The following ANKRD30A variants were observed in gnomAD, a reference collection of about 807,000 sequenced individuals.
The protein encoded by ANKRD30A is ankyrin repeat domain 30A.
ANKRD30A carries 170 observed loss-of-function variants against 166.3 expected under a neutral mutation model. The observed-to-expected ratio is 1.02, with a 90% CI of 0.90 to 1.16. The LOEUF (loss-of-function observed/expected upper bound fraction) is 1.16. Ranked by LOEUF, ANKRD30A falls within the 50% of genes most tolerant of loss-of-function variation. ANKRD30A has a pLI of 0.00. For missense variants in ANKRD30A, 1,630 were observed against 1,518.0 expected (o/e 1.07, Z -1.23); for synonymous variants, 564 against 508.9 (o/e 1.11, Z -1.46).
intron 24 of ANKRD30A, among the ~76,000 whole-genome samples, chr10:37,183,225 A>C (rs1185429422): frequency 2.7e-5 from 4 of 148,642 alleles, no homozygotes; most frequent in Admixed American, 1.4e-4. Context: ...TACAACTGTT[A>C]CTCATTAACC....
intron 15 of ANKRD30A, 47 bp from the exon 16 acceptor site, chr10:37,162,602 T>C (rs775600602): frequency 7.5e-6 from 12 of 1,606,414 alleles, no homozygotes; most frequent in Non-Finnish European, 9.4e-6. Flanking sequence ...TGTGGTTGGC[T>C]TGTCATATTT....
At chr10:37,250,497 G>A in the ANKRD30A span, among the ~76,000 whole-genome samples, 1 of 152,084 alleles carries the variant, frequency 6.6e-6, no homozygotes, top group South Asian at 2.1e-4. Flanking sequence ...CCCTCATCCT[G>A]GCCAGTAAAT....
Position 37,162,816 on chromosome 10 carries a change from T to G in ANKRD30A, c.1970T>G (p.Leu657Trp), listed in dbSNP as rs201885728. The G allele has an allele frequency of 3.1e-6, 5 of 1,613,592 alleles. No homozygotes were observed. Among genetic ancestry groups the G allele is most frequent in the Non-Finnish European group, 4.2e-6 (5 of 1,179,788 alleles). The change falls in exon 17 of 36, where the codon TTG (leucine) becomes TGG (tryptophan). Residue 657 changes from leucine to tryptophan, a missense_variant. Coordinates refer to ENST00000361713, the MANE Select transcript of ANKRD30A (RefSeq NM_052997.3). ...EMQKSVPNKA[L>W]ELKNEQTLRA... The stretch of plus-strand genomic sequence containing the variant: ...CAAAAGTCTGTCCCAAATAAAGCCT[T>G]GGAATTGAAAAATGAACAAACATTG...
intron 11 of ANKRD30A, among the ~76,000 whole-genome samples, chr10:37,151,587 C>T (rs1837941390): frequency 6.6e-6 from 1 of 152,050 alleles, no homozygotes; most frequent in Non-Finnish European, 1.5e-5. Flanking sequence ...AGTTGACTAA[C>T]ATCAAAAAGT....
At chr10:37,166,356 T>C (rs1183747577) in intron 18 of ANKRD30A, among the ~76,000 whole-genome samples, 1 of 152,300 alleles carries the variant, frequency 6.6e-6, no homozygotes, top group East Asian at 1.9e-4. Context: ...TTTGTGAAGG[T>C]GATTTGTTTT....
At chr10:37,179,014 A>AT (rs1491302143) in intron 24 of ANKRD30A, among the ~76,000 whole-genome samples, 2 of 684 alleles carry the variant, frequency 2.9e-3, no homozygotes, top group African/African-American at 7.9e-3. Flanking sequence ...GAGGCGTCAA[A>AT]TATATATATA....
chr10:37,167,322 GT>G (rs1037661377), intron 19 of ANKRD30A, among the ~76,000 whole-genome samples: 5 of 145,354 alleles, frequency 3.4e-5, no homozygotes, highest in Non-Finnish European at 7.5e-5. Flanking sequence ...ATGTATGTAT[GT>G]TTTTGATGTT....
At chr10:37,231,784 A>G (rs1843422564) in intron 35 of ANKRD30A, 104 bp downstream of exon 35, 1 of 201,882 alleles carries the variant, frequency 5.0e-6, no homozygotes, top group Non-Finnish European at 9.9e-6. Flanking sequence ...GTGTTAAATA[A>G]TGGTCAACAT....
rs67891035 is a variant in ANKRD30A, at chr10:37,136,831, G to GTGTGTATA, written c.820+161_820+162insGTGTATAT. ...TGTGTGTATGTGTGTGTGTGTGTGT[G>GTGTGTATA]TATATATATATATATATATAGCTTT... On this transcript the variant is annotated intron_variant, in intron 6 of 35. Coordinates refer to ENST00000361713, the MANE Select transcript of ANKRD30A (RefSeq NM_052997.3). Among the ~76,000 whole-genome samples, 1,078 of 141,946 alleles carry GTGTGTATA rather than the reference G, an allele frequency of 7.6e-3. 14 individuals are homozygous for GTGTGTATA. The highest frequency in any genetic ancestry group is 0.023 in the African/African-American group (898 of 38,466). The allele number at this position is 141,946 out of a possible 152,430, so 93.1% of individuals were successfully genotyped here. A position where few individuals can be genotyped will look rare whatever the true frequency, so the allele number is the denominator to read the frequency against.
At chr10:37,172,310 GGAA>G (rs1359651598) in intron 21 of ANKRD30A, among the ~76,000 whole-genome samples, 1 of 120,030 alleles carries the variant, frequency 8.3e-6, no homozygotes, top group African/African-American at 3.3e-5. Context: ...GGAAAATAGT[GGAA>G]GAAGAGCAGT....
chr10:37,241,331 G>A, the ANKRD30A span: 49 of 150,416 alleles, frequency 3.3e-4, no homozygotes, highest in African/African-American at 9.9e-4. Context: ...TTTTATTACT[G>A]GAATGCTTAC....
intron 6 of ANKRD30A, among the ~76,000 whole-genome samples, chr10:37,137,876 G>T (rs1836824030): frequency 6.6e-6 from 1 of 152,134 alleles, no homozygotes; most frequent in Non-Finnish European, 1.5e-5. Context: ...GAGAGTAGTG[G>T]TTCTCGCAGC....
chr10:37,193,917 G>T (rs544416517), intron 27 of ANKRD30A, among the ~76,000 whole-genome samples: 12 of 152,262 alleles, frequency 7.9e-5, no homozygotes, highest in African/African-American at 1.4e-4. Flanking sequence ...ACAATAGGCC[G>T]TGCACGGTGG....
intron 9 of ANKRD30A, among the ~76,000 whole-genome samples, chr10:37,149,275 T>G (rs1049749105): frequency 2.6e-5 from 4 of 152,026 alleles, no homozygotes; most frequent in African/African-American, 9.7e-5. Flanking sequence ...TATGTACTTT[T>G]CCAAAGATAG....
In ANKRD30A at chr10:37,166,823, A is replaced by G. The variant is rs186546050; in HGVS notation, c.2155+128A>G. 634 of 1,407,030 alleles carry G rather than the reference A, an allele frequency of 4.5e-4. 2 individuals carry two copies. The African/African-American group carries it at 7.9e-3, about 17-fold the overall frequency. The allele number at this position is 1,407,030 out of a possible 1,614,324, so 87.2% of individuals were successfully genotyped here. ...AAACCATGGAAAAAAAGAGAAGTGC[A>G]ATGGTCATAAGTTATGTGTCTCATC... On this transcript the variant is annotated intron_variant, in intron 19 of 35. Coordinates refer to ENST00000361713, the MANE Select transcript of ANKRD30A (RefSeq NM_052997.3).
At chr10:37,161,744 C>G (rs1050509835) in intron 15 of ANKRD30A, among the ~76,000 whole-genome samples, 3 of 152,110 alleles carry the variant, frequency 2.0e-5, no homozygotes, top group African/African-American at 7.2e-5. Flanking sequence ...GTTCGCTATA[C>G]AAATGACACA....
chr10:37,200,693 T>A (rs558128451), intron 30 of ANKRD30A, among the ~76,000 whole-genome samples: 33 of 152,244 alleles, frequency 2.2e-4, no homozygotes, highest in African/African-American at 7.2e-4. Flanking sequence ...TGTCAAAAAC[T>A]TGTTGCTGAT....
At chr10:37,230,452 T>C (rs1279503261) in intron 34 of ANKRD30A, among the ~76,000 whole-genome samples, 3 of 152,044 alleles carry the variant, frequency 2.0e-5, no homozygotes, top group Non-Finnish European at 4.4e-5. Context: ...ATGGCTTTTT[T>C]CCCCTTCAGA....
the ANKRD30A span, among the ~76,000 whole-genome samples, chr10:37,246,430 A>G: frequency 6.6e-6 from 1 of 152,102 alleles, no homozygotes; most frequent in Non-Finnish European, 1.5e-5. Context: ...GACTCTTTTA[A>G]TCTGTCTTTT....
Sources: allele counts gnomAD v4.1 joint callset (sites outside exome capture counted in the v4.1 genomes callset), GRCh38; gene constraint gnomAD v4.1.1; transcripts MANE v1.5; gene names NCBI Gene and HGNC (gene_info 2026-07-23, HGNC 2026-07-21).